Variants in NDE1 observed in about 807,000 individuals in gnomAD.
NDE1 encodes nuclear distribution protein nudE homolog 1.
A neutral mutation model predicts 43.4 loss-of-function variants in NDE1; 28 were observed. That is an observed-to-expected ratio of 0.65 (90% CI 0.48 to 0.89). The LOEUF is 0.89. Among genes scored for constraint, NDE1 ranks in the 40% least tolerant of loss-of-function variants. The pLI is 0.00. For missense variants in NDE1, 441 were observed against 434.1 expected (o/e 1.02, Z -0.14); for synonymous variants, 184 against 172.0 (o/e 1.07, Z -0.55).
At chr16:15,708,147 C>T (rs2039566772) in intron 8 of NDE1, among the ~76,000 whole-genome samples, 1 of 151,992 alleles carries the variant, frequency 6.6e-6, no homozygotes, top group Non-Finnish European at 1.5e-5. Context: ...TGGTCAGCTT[C>T]CACCCCGTGT....
intron 1 of NDE1, among the ~76,000 whole-genome samples, chr16:15,655,879 A>T (rs1255392483): frequency 6.6e-6 from 1 of 150,966 alleles, no homozygotes; most frequent in African/African-American, 2.4e-5. Context: ...TATTGCAAGA[A>T]CAAAAAACCA....
chr16:15,684,869 A>G (rs1399195155), intron 4 of NDE1, among the ~76,000 whole-genome samples: 1 of 152,160 alleles, frequency 6.6e-6, no homozygotes, highest in Admixed American at 6.5e-5. Context: ...CCAGTAGCAT[A>G]CTATTCTTCA....
intron 8 of NDE1, chr16:15,719,171 TC>T (rs771797012): frequency 3.3e-6 from 5 of 1,530,760 alleles, no homozygotes; most frequent in South Asian, 1.1e-5. Context: ...ATGCTGCCTG[TC>T]CCCCCATCCT....
At chr16:15,682,608 TA>T in intron 4 of NDE1, among the ~76,000 whole-genome samples, 1 of 152,352 alleles carries the variant, frequency 6.6e-6, no homozygotes, top group Middle Eastern at 3.4e-3. Context: ...AACTAAAAAT[TA>T]AATACATTTC....
intron 8 of NDE1, chr16:15,717,637 A>G (rs1272808999): frequency 3.6e-5 from 19 of 530,298 alleles, no homozygotes; most frequent in Non-Finnish European, 6.4e-5. Flanking sequence ...TCTATTAAAA[A>G]TACAAAAATT....
chr16:15,714,806 G>A lies in NDE1; in HGVS notation c.948-9385G>A, dbSNP rs146386797. On this transcript the variant is annotated intron_variant, in intron 8 of 8. Coordinates refer to ENST00000396354, the MANE Select transcript of NDE1 (RefSeq NM_017668.3). ...GGAATAAACCACAGAAGGGAGTGGC[G>A]GCTGTGGGCACAAGGGGCATTTGCA... is the stretch of plus-strand genomic sequence containing the variant. The A allele has an allele frequency of 1.3e-3, 1,746 of 1,386,380 alleles. 17 individuals carry two copies. The highest frequency in any genetic ancestry group is 8.3e-3 in the South Asian group (719 of 86,260). 85.9% of individuals were successfully genotyped at this position (1,386,380 alleles called of 1,614,324 possible).
chr16:15,655,490 T>C (rs551577874), intron 1 of NDE1, among the ~76,000 whole-genome samples: 1 of 152,280 alleles, frequency 6.6e-6, no homozygotes, highest in East Asian at 1.9e-4. Flanking sequence ...CTTATACTTT[T>C]AAGGATGTGG....
intron 1 of NDE1, among the ~76,000 whole-genome samples, chr16:15,653,879 C>T (rs938509232): frequency 6.6e-6 from 1 of 151,922 alleles, no homozygotes; most frequent in Non-Finnish European, 1.5e-5. Flanking sequence ...AGGTGTGCAT[C>T]ACCACACCTG....
At chr16:15,717,785 C>A (rs1035155989) in intron 8 of NDE1, 3 of 265,366 alleles carry the variant, frequency 1.1e-5, no homozygotes, top group Non-Finnish European at 2.2e-5. Flanking sequence ...CACAGAGAGA[C>A]CCTGTCTCCA....
chr16:15,724,506 C>T lies in NDE1; in HGVS notation c.*255C>T, dbSNP rs2040648928. ...CTGAGAAGCGAAGACCATGTCTCCT[C>T]GTTGGAGAAACCCAATAGCAGGGGA... On this transcript the variant is annotated 3_prime_UTR_variant, in exon 9 of 9. Coordinates refer to ENST00000396354, the MANE Select transcript of NDE1 (RefSeq NM_017668.3). 6.8e-6 allele frequency: 11 copies of T among 1,607,364 alleles called. No individual in the cohort carries two copies. The highest frequency in any genetic ancestry group is 1.7e-5 in the Admixed American group (1 of 59,942).
At chr16:15,698,071 G>A (rs1440248213) in intron 8 of NDE1, among the ~76,000 whole-genome samples, 3 of 152,042 alleles carry the variant, frequency 2.0e-5, no homozygotes, top group African/African-American at 4.8e-5. Flanking sequence ...CAAAGTGCTG[G>A]GATTACAGGC....
At chr16:15,703,934 G>T (rs748264006) in intron 8 of NDE1, 5 of 1,607,898 alleles carry the variant, frequency 3.1e-6, no homozygotes, top group African/African-American at 2.7e-5. Context: ...GGTTTTTTTT[G>T]TTTGTTTGTT....
chr16:15,717,119 C>T (rs776140653), intron 8 of NDE1: 26 of 1,613,168 alleles, frequency 1.6e-5, no homozygotes, highest in Middle Eastern at 1.6e-4. Context: ...AAACTGGGTT[C>T]GGAACTCCAC....
At chr16:15,664,635 G>A (rs571652371) in intron 1 of NDE1, 101 bp from the exon 2 acceptor site, 68 of 715,328 alleles carry the variant, frequency 9.5e-5, no homozygotes, top group African/African-American at 9.4e-4. Flanking sequence ...GATTATAGGC[G>A]TGAGCCACCG....
chr16:15,674,233 C>T (rs914665965), intron 3 of NDE1, among the ~76,000 whole-genome samples: 3 of 152,012 alleles, frequency 2.0e-5, no homozygotes, highest in Non-Finnish European at 2.9e-5. Context: ...TTCTCCCTCC[C>T]TTCTGTCTTA....
chr16:15,710,429 G>A lies in NDE1; in HGVS notation c.947+13569G>A, dbSNP rs553901923. On this transcript the variant is annotated intron_variant, in intron 8 of 8. Transcript: ENST00000396354. ...TCAGCTACTTGGGAGGCTGAGGCAG[G>A]AGAATCGCTTGAACCTGGGAGGCAA... Among the ~76,000 whole-genome samples, 3 of 152,306 alleles carry A rather than the reference G, an allele frequency of 2.0e-5. No homozygotes were observed. The South Asian group carries it at 6.2e-4, about 32-fold the overall frequency.
chr16:15,720,665 G>A (rs139869413), intron 8 of NDE1, among the ~76,000 whole-genome samples: 8 of 152,090 alleles, frequency 5.3e-5, no homozygotes, highest in Non-Finnish European at 1.0e-4. Flanking sequence ...GGCAGGAGGT[G>A]GAGGTTGCAG....
At chr16:15,648,036 A>T (rs74681464), upstream of NDE1, among the ~76,000 whole-genome samples, 5 of 138,952 alleles carry the variant, frequency 3.6e-5, no homozygotes, top group African/African-American at 1.4e-4. Context: ...CTGTCTCACA[A>T]AAAAAAAAAA....
rs1008785652 is a variant in NDE1, at chr16:15,652,376, C to T, written c.-44+2082C>T. On this transcript the variant is annotated intron_variant, in intron 1 of 8. Transcript: ENST00000396354. ...TGTTCTTTTGCCTTAGAATGTGAGC[C>T]GAGAATTGACACTCCTTTTCCTCAC... 5.3e-5 allele frequency among the ~76,000 whole-genome samples: 8 copies of T among 152,220 alleles called. No individual in the cohort carries two copies. In the East Asian group the frequency reaches 9.7e-4, roughly 18 times the overall value.
Sources: allele counts gnomAD v4.1 joint callset (sites outside exome capture counted in the v4.1 genomes callset), GRCh38; gene constraint gnomAD v4.1.1; transcripts MANE v1.5; gene names NCBI Gene and HGNC (gene_info 2026-07-23, HGNC 2026-07-21).